The following ZZZ3 variants were observed in gnomAD, a reference collection of about 807,000 sequenced individuals.
ZZZ3 encodes the protein zinc finger ZZ-type containing 3, also known as ZZ-type zinc finger-containing protein 3.
In ZZZ3, 22 loss-of-function variants were observed where a neutral mutation model predicts 95.2. That is an observed-to-expected ratio of 0.23 (90% CI 0.17 to 0.33). The LOEUF (loss-of-function observed/expected upper bound fraction) is 0.33. Among genes scored for constraint, ZZZ3 ranks in the 10% least tolerant of loss-of-function variants. The probability of loss-of-function intolerance (pLI) is 1.00; values close to 1 mark genes in which losing one functional copy is unlikely to be tolerated. For synonymous variants in ZZZ3, 335 were observed against 358.9 expected (o/e 0.93, Z 0.75); for missense variants, 885 against 1,066.5 (o/e 0.83, Z 2.37).
intron 11 of ZZZ3, among the ~76,000 whole-genome samples, chr1:77,576,716 T>G (rs1312900286): frequency 6.6e-6 from 1 of 152,018 alleles, no homozygotes; most frequent in East Asian, 1.9e-4. Context: ...CGGGCTACAT[T>G]GGAAGAATTG....
intron 5 of ZZZ3, among the ~76,000 whole-genome samples, chr1:77,622,261 T>C (rs1666946849): frequency 6.6e-6 from 1 of 151,648 alleles, no homozygotes. Flanking sequence ...GAGCCTAGAC[T>C]GTGCCACTGC....
At position 77,572,362 on chromosome 1, in the gene ZZZ3, G is replaced by A. The variant is rs183441225; in HGVS notation, c.2331+3706C>T. Among the ~76,000 whole-genome samples the A allele has an allele frequency of 1.2e-3, 176 of 151,964 alleles. 1 individual carries two copies. Among genetic ancestry groups the A allele is most frequent in the African/African-American group, 3.9e-3 (161 of 41,478 alleles). On this transcript the variant is annotated intron_variant, in intron 12 of 14. Transcript: ENST00000370801. ...TTTGTTTTGTTTTGTTTTTTGAGACGGAGTCTCACTCTGTCTTCCAGGCTG... is the reference window on the plus strand; with the variant it reads ...TTTGTTTTGTTTTGTTTTTTGAGACAGAGTCTCACTCTGTCTTCCAGGCTG...
At chr1:77,597,210 C>A (rs943473585) in intron 5 of ZZZ3, among the ~76,000 whole-genome samples, 2 of 152,016 alleles carry the variant, frequency 1.3e-5, no homozygotes, top group African/African-American at 4.8e-5. Flanking sequence ...GAAAGGTTCC[C>A]AACAACCAAA....
chr1:77,629,024 C>A (rs953830457), intron 5 of ZZZ3, among the ~76,000 whole-genome samples: 4 of 152,166 alleles, frequency 2.6e-5, no homozygotes, highest in African/African-American at 9.7e-5. Flanking sequence ...TTTTTAACAT[C>A]ATTTTCAAAC....
chr1:77,645,666 C>A lies in ZZZ3; in HGVS notation c.-402-4011G>T, dbSNP rs962029848. ...TGAAATAAAATACAAATTTCTAAAC[C>A]TCATTCTTAAAAATTCAGATTCAGG... On this transcript the variant is annotated intron_variant, in intron 1 of 14. Coordinates refer to ENST00000370801, the MANE Select transcript of ZZZ3 (RefSeq NM_015534.6). 4 of 151,980 alleles carry A rather than the reference C, an allele frequency of 2.6e-5. No individual in the cohort carries two copies. In the East Asian group the frequency reaches 7.7e-4, roughly 29 times the overall value. The allele number at this position is 151,980 out of a possible 1,614,324, so 9.4% of individuals were successfully genotyped here. A position where few individuals can be genotyped will look rare whatever the true frequency, so the allele number is the denominator to read the frequency against.
intron 1 of ZZZ3, among the ~76,000 whole-genome samples, chr1:77,658,165 CGAGACTT>C (rs2100999205): frequency 8.6e-6 from 1 of 116,184 alleles, no homozygotes; most frequent in Admixed American, 1.2e-4. Flanking sequence ...GGCGACAGAG[CGAGACTT>C]TGTCTCAAAA....
At position 77,563,964 on chromosome 1, in the gene ZZZ3, A is replaced by G. The variant is rs113160597; in HGVS notation, c.*1676T>C. On this transcript the variant is annotated 3_prime_UTR_variant, in exon 15 of 15. Coordinates refer to ENST00000370801, the MANE Select transcript of ZZZ3 (RefSeq NM_015534.6). ...AAAAAATTCAGGGTATGATTTTAGTACCCTGCTATGTACTGAAGAGAACTA... is the reference window on the plus strand; with the variant it reads ...AAAAAATTCAGGGTATGATTTTAGTGCCCTGCTATGTACTGAAGAGAACTA... 1.2e-4 allele frequency: 18 copies of G among 152,234 alleles called. No individual in the cohort carries two copies. The highest frequency in any genetic ancestry group is 4.1e-4 in the African/African-American group (17 of 41,548). 9.4% of individuals were successfully genotyped at this position (152,234 alleles called of 1,614,324 possible). A position where few individuals can be genotyped will look rare whatever the true frequency, so the allele number is the denominator to read the frequency against.
intron 1 of ZZZ3, among the ~76,000 whole-genome samples, chr1:77,678,426 A>T (rs1005936659): frequency 6.6e-6 from 1 of 152,164 alleles, no homozygotes; most frequent in African/African-American, 2.4e-5. Context: ...TAATTAACAG[A>T]GTTTTGAAAA....
chr1:77,598,998 T>A (rs1664476899), intron 5 of ZZZ3, among the ~76,000 whole-genome samples: 1 of 152,126 alleles, frequency 6.6e-6, no homozygotes, highest in African/African-American at 2.4e-5. Flanking sequence ...TAATACATTC[T>A]GATGAGGAGG....
intron 1 of ZZZ3, among the ~76,000 whole-genome samples, chr1:77,650,501 C>G (rs1040575238): frequency 2.0e-5 from 3 of 151,932 alleles, no homozygotes; most frequent in Non-Finnish European, 4.4e-5. Flanking sequence ...TAACATGCTT[C>G]TAAATGACCC....
intron 3 of ZZZ3, among the ~76,000 whole-genome samples, chr1:77,639,919 G>A (rs1479126303): frequency 3.4e-5 from 5 of 145,604 alleles, no homozygotes; most frequent in African/African-American, 5.1e-5. Flanking sequence ...TTTTTTTTGC[G>A]GTGATAAAGG....
At chr1:77,638,425 C>T (rs758336158) in intron 4 of ZZZ3, among the ~76,000 whole-genome samples, 15 of 152,272 alleles carry the variant, frequency 9.9e-5, no homozygotes, top group African/African-American at 3.1e-4. Context: ...ACCTGTAGAA[C>T]TGTACGCATA....
intron 5 of ZZZ3, among the ~76,000 whole-genome samples, chr1:77,610,066 A>G (rs756064351): frequency 6.6e-6 from 1 of 151,910 alleles, no homozygotes; most frequent in East Asian, 1.9e-4. Context: ...GATCAATTTG[A>G]AAAGACAAAC....
At chr1:77,583,313 C>CT (rs2100567138) in intron 6 of ZZZ3, among the ~76,000 whole-genome samples, 1 of 152,126 alleles carries the variant, frequency 6.6e-6, no homozygotes, top group East Asian at 1.9e-4. Context: ...TTTTACTTTA[C>CT]TAACACCATC....
chr1:77,652,026 AAAAAAAAGGTTAAAAT>A (rs1460881970), intron 1 of ZZZ3, among the ~76,000 whole-genome samples: 2 of 152,068 alleles, frequency 1.3e-5, no homozygotes, highest in African/African-American at 4.8e-5. Flanking sequence ...CCAAAAAAAA[AAAAAAAAGGTTAAAAT>A]GGTAACTTTT....
At chr1:77,591,166 T>G (rs112872059) in intron 5 of ZZZ3, among the ~76,000 whole-genome samples, 4 of 152,026 alleles carry the variant, frequency 2.6e-5, no homozygotes. Context: ...ATATATGTTA[T>G]GCAGCACGCA....
chr1:77,644,650 T>C (rs1374487103), intron 1 of ZZZ3, among the ~76,000 whole-genome samples: 1 of 152,208 alleles, frequency 6.6e-6, no homozygotes, highest in Non-Finnish European at 1.5e-5. Flanking sequence ...ATCTGTACTT[T>C]ATCTATAAAA....
chr1:77,629,435 T>C (rs981627078), intron 5 of ZZZ3, among the ~76,000 whole-genome samples: 5 of 152,112 alleles, frequency 3.3e-5, no homozygotes, highest in African/African-American at 9.7e-5. Flanking sequence ...CTGGACAACA[T>C]GGCGAACCCC....
At chr1:77,590,718 T>C (rs1210211357) in intron 5 of ZZZ3, among the ~76,000 whole-genome samples, 1 of 152,266 alleles carries the variant, frequency 6.6e-6, no homozygotes, top group African/African-American at 2.4e-5. Context: ...TTGTGCAGTA[T>C]ATAATTTTAT....
Sources: allele counts gnomAD v4.1 joint callset (sites outside exome capture counted in the v4.1 genomes callset), GRCh38; gene constraint gnomAD v4.1.1; transcripts MANE v1.5; gene names NCBI Gene and HGNC (gene_info 2026-07-23, HGNC 2026-07-21).